The following CREB5 variants were observed in gnomAD, a reference collection of about 807,000 sequenced individuals.
CREB5 encodes the protein cyclic AMP-responsive element-binding protein 5.
A neutral mutation model predicts 57.1 loss-of-function variants in CREB5; 19 were observed. That is an observed-to-expected ratio of 0.33 (90% CI 0.23 to 0.49). CREB5 has a LOEUF of 0.49. Ranked by LOEUF, CREB5 falls within the 20% of genes least tolerant of loss-of-function variation. CREB5 has a pLI of 0.99. For missense variants in CREB5, 579 were observed against 671.6 expected (o/e 0.86, Z 1.52); for synonymous variants, 238 against 238.3 (o/e 1.00, Z 0.01).
At chr7:28,358,747 G>T (rs1786398700) in intron 1 of CREB5, among the ~76,000 whole-genome samples, 1 of 152,194 alleles carries the variant, frequency 6.6e-6, no homozygotes. Context: ...AAGTGGTAAA[G>T]TGGTATTTGT....
intron 1 of CREB5, among the ~76,000 whole-genome samples, chr7:28,303,142 CAAA>C (rs36054051): frequency 2.3e-5 from 3 of 129,890 alleles, no homozygotes; most frequent in Non-Finnish European, 4.8e-5. Flanking sequence ...AACTCCATCT[CAAA>C]AAAAAAAAAA....
chr7:28,529,677 G>A lies in CREB5; in HGVS notation c.291+21940G>A, dbSNP rs115556804. ...TCCTTGCTCTATGGCCCTCTGAGAGGGAGAGCAAGTCAGAAGGATTTCCAG... is the reference window on the plus strand; with the variant it reads ...TCCTTGCTCTATGGCCCTCTGAGAGAGAGAGCAAGTCAGAAGGATTTCCAG... On this transcript the variant is annotated intron_variant, in intron 4 of 10. Transcript: ENST00000357727. 6.4e-3 allele frequency among the ~76,000 whole-genome samples: 975 copies of A among 152,178 alleles called. 11 individuals carry two copies. Among genetic ancestry groups the A allele is most frequent in the African/African-American group, 0.021 (889 of 41,500 alleles).
chr7:28,718,721 A>G, intron 5 of CREB5, 32 bp from the exon 6 acceptor site: 1 of 1,610,584 alleles, frequency 6.2e-7, no homozygotes, highest in East Asian at 2.2e-5. Context: ...GGCACCAGGA[A>G]TCATGTTTGT....
rs775585608 is a variant in CREB5, at chr7:28,355,615, T to C, written c.-25+56174T>C. Among the ~76,000 whole-genome samples, 50 of 152,210 alleles carry C rather than the reference T, an allele frequency of 3.3e-4. 1 individual carries two copies. The highest frequency in any genetic ancestry group is 1.9e-4 in the Non-Finnish European group (13 of 68,012). On this transcript the variant is annotated intron_variant, in intron 1 of 9. Coordinates refer to the CREB5 transcript ENST00000396299. ...GAAATTCTAATGAAATATATACCCA[T>C]AAAAATGCTCCCCCTGCCACCACTT...
At chr7:28,733,313 T>A (rs137873191) in intron 7 of CREB5, among the ~76,000 whole-genome samples, 1 of 152,200 alleles carries the variant, frequency 6.6e-6, no homozygotes, top group Non-Finnish European at 1.5e-5. Context: ...GCACCTTGCA[T>A]AGGAACATGT....
intron 5 of CREB5, among the ~76,000 whole-genome samples, chr7:28,707,131 C>T (rs900153325): frequency 6.6e-6 from 1 of 152,124 alleles, no homozygotes; most frequent in African/African-American, 2.4e-5. Context: ...GGAGGAGACA[C>T]CCATACCCCT....
At chr7:28,587,956 A>G (rs1796361318) in intron 5 of CREB5, among the ~76,000 whole-genome samples, 1 of 152,164 alleles carries the variant, frequency 6.6e-6, no homozygotes, top group African/African-American at 2.4e-5. Flanking sequence ...GTCTAGTTAC[A>G]TTAGTGTACC....
At chr7:28,611,373 C>T (rs187887950) in intron 5 of CREB5, among the ~76,000 whole-genome samples, 10 of 150,864 alleles carry the variant, frequency 6.6e-5, no homozygotes, top group South Asian at 2.1e-4. Context: ...AGGTAGAGGC[C>T]GGGCACAGTG....
upstream of CREB5, chr7:28,409,856 G>A: frequency 2.2e-6 from 1 of 453,362 alleles, no homozygotes; most frequent in Non-Finnish European, 4.4e-6. The surrounding 1 kb of genome is among the most constrained non-coding windows in gnomAD (Gnocchi z 4.4). Flanking sequence ...CCCCTGACGC[G>A]GGGACCAGTT....
chr7:28,413,053 T>C, intron 1 of CREB5, 136 bp downstream of exon 1: 1 of 717,734 alleles, frequency 1.4e-6, no homozygotes, highest in Non-Finnish European at 2.1e-6. Flanking sequence ...ATGTTGCTTT[T>C]GTCAGTTTCC....
intron 1 of CREB5, among the ~76,000 whole-genome samples, chr7:28,385,604 G>C (rs994074442): frequency 1.3e-5 from 2 of 151,728 alleles, no homozygotes; most frequent in Non-Finnish European, 2.9e-5. Context: ...TGAGCCTGGG[G>C]AGGTGGAGGC....
rs189732378 is a variant in CREB5, at chr7:28,629,715, A to G, written c.464+59178A>G. On this transcript the variant is annotated intron_variant, in intron 5 of 10. Transcript: ENST00000357727. ...ACCATCCATGATTCATATGTTCCCA[A>G]TGGCTGTCTCAGCTTTTTATAAGGG... Among the ~76,000 whole-genome samples, 12 of 152,310 alleles carry G rather than the reference A, an allele frequency of 7.9e-5. No individual in the cohort carries two copies. In the East Asian group the frequency reaches 2.1e-3, roughly 27 times the overall value.
At chr7:28,442,012 A>T (rs965912411) in intron 1 of CREB5, among the ~76,000 whole-genome samples, 2 of 151,954 alleles carry the variant, frequency 1.3e-5, no homozygotes, top group African/African-American at 4.8e-5. Flanking sequence ...AACCATATTC[A>T]CCCTATAGTG....
intron 1 of CREB5, among the ~76,000 whole-genome samples, chr7:28,466,444 C>T (rs1341288474): frequency 2.0e-5 from 3 of 152,112 alleles, no homozygotes; most frequent in Non-Finnish European, 4.4e-5. Flanking sequence ...TGGCTCTCTC[C>T]TGCTATTGTT....
chr7:28,345,601 G>A (rs1178050563), intron 1 of CREB5, among the ~76,000 whole-genome samples: 1 of 152,184 alleles, frequency 6.6e-6, no homozygotes, highest in Admixed American at 6.5e-5. Context: ...GTTCATTGCA[G>A]AGTTTCAGCC....
At position 28,659,458 on chromosome 7, in the gene CREB5, C is replaced by G. The variant is rs574954033; in HGVS notation, c.465-59295C>G. ...TTATTCTTCTCTCAGTATGCTGTGACAAGGTCCTGTAGCCAGCTGTGTTTT... is the reference window on the plus strand; with the variant it reads ...TTATTCTTCTCTCAGTATGCTGTGAGAAGGTCCTGTAGCCAGCTGTGTTTT... On this transcript the variant is annotated intron_variant, in intron 5 of 10. Transcript: ENST00000357727. Among the ~76,000 whole-genome samples the G allele has an allele frequency of 8.1e-3, 1,235 of 152,288 alleles. 25 individuals are homozygous for G. The highest frequency in any genetic ancestry group is 0.029 in the African/African-American group (1,185 of 41,564).
intron 1 of CREB5, among the ~76,000 whole-genome samples, chr7:28,322,960 C>T (rs1445290727): frequency 6.6e-6 from 1 of 151,868 alleles, no homozygotes; most frequent in Non-Finnish European, 1.5e-5. Context: ...TTCTTAGTCC[C>T]CTCCCTCTGT....
intron 5 of CREB5, among the ~76,000 whole-genome samples, chr7:28,703,324 T>C (rs1158820131): frequency 2.0e-5 from 3 of 152,110 alleles, no homozygotes; most frequent in African/African-American, 7.2e-5. Context: ...TGATTAGAAG[T>C]ACAAGATGAG....
chr7:28,721,171 G>A (rs763923072), intron 6 of CREB5, among the ~76,000 whole-genome samples: 6 of 152,178 alleles, frequency 3.9e-5, no homozygotes, highest in Non-Finnish European at 2.9e-5. Flanking sequence ...AATATCTGGA[G>A]ACTCCATTGG....
Sources: gnomAD v4.1 joint callset for allele counts (sites outside exome capture counted in the v4.1 genomes callset) on GRCh38, gnomAD v4.1.1 for gene constraint, Gnocchi (gnomAD v3.1) non-coding constraint, MANE v1.5 for transcripts, NCBI Gene and HGNC (gene_info 2026-07-23, HGNC 2026-07-21) for gene names.